Variants in SCAF11 observed in about 807,000 individuals in gnomAD.
SCAF11 encodes the protein protein SCAF11.
Under a neutral mutation model 140.5 loss-of-function variants are expected in SCAF11, and 47 were observed. The ratio of observed to expected loss-of-function variants is 0.33; its 90% CI spans 0.26 to 0.43. The LOEUF is 0.43. SCAF11 is among the 20% of genes least tolerant of loss of function. SCAF11 has a pLI of 1.00. For missense variants in SCAF11, 1,645 were observed against 1,705.1 expected, an observed-to-expected ratio of 0.96 and a Z score of 0.62; for synonymous variants, 557 against 579.4, an observed-to-expected ratio of 0.96 and a Z score of 0.55.
rs11183247 is a variant in SCAF11 at position 45,959,776 on chromosome 12, T to G, written c.219+1924A>C. Reference sequence around the variant, plus strand: ...TATAATAAGCAATTTATTAATAGATTGCTCTCTTGTTACTGCTCAACTGAA... The same window carrying G: ...TATAATAAGCAATTTATTAATAGATGGCTCTCTTGTTACTGCTCAACTGAA... On this transcript the variant is annotated intron_variant, in intron 3 of 14. Transcript: ENST00000369367. 4.1e-4 allele frequency among the ~76,000 whole-genome samples: 62 copies of G among 152,320 alleles called. No homozygotes were observed. The East Asian group carries it at 0.011, about 27-fold the overall frequency.
intron 1 of SCAF11, among the ~76,000 whole-genome samples, chr12:45,987,223 C>A (rs1486921284): frequency 6.6e-6 from 1 of 152,048 alleles, no homozygotes; most frequent in Non-Finnish European, 1.5e-5. Flanking sequence ...TGGGAGACAG[C>A]GAGATGCTAT....
intron 4 of SCAF11, 59 bp downstream of exon 4, chr12:45,951,591 A>G: frequency 8.7e-7 from 1 of 1,153,706 alleles, no homozygotes; most frequent in Non-Finnish European, 1.2e-6. Flanking sequence ...CTGGAAATCA[A>G]AGTCAAACAG....
chr12:45,961,762 C>T lies in SCAF11; in HGVS notation c.157G>A (p.Val53Ile), dbSNP rs373764342. The change falls in exon 3 of 15, where the codon GTT (valine) becomes ATT (isoleucine). Residue 53 changes from valine to isoleucine, a missense_variant. Transcript: ENST00000369367. ...TGATTACAGCTTTCTGGAAAACCAA[C>T]TTCCTTTTCTAATAGACAATTAAGA... ...ICLNCLLEKE[V>I]GFPESCNHVF... is the part of the protein sequence containing the mutation. 6.8e-6 allele frequency: 11 copies of T among 1,613,104 alleles called. No homozygotes were observed. The highest frequency in any genetic ancestry group is 8.5e-6 in the Non-Finnish European group (10 of 1,179,478).
intron 6 of SCAF11, among the ~76,000 whole-genome samples, chr12:45,942,529 T>A (rs750478095): frequency 6.6e-6 from 1 of 152,196 alleles, no homozygotes; most frequent in Admixed American, 6.5e-5. Flanking sequence ...TCTCCCCTTA[T>A]GTCTTACTCT....
At chr12:45,974,136 G>A in intron 1 of SCAF11, 1 of 469,544 alleles carries the variant, frequency 2.1e-6, no homozygotes, top group South Asian at 1.6e-5. Context: ...TGTAGTCCAT[G>A]AAGTGTGCAA....
intron 1 of SCAF11, among the ~76,000 whole-genome samples, chr12:45,968,611 T>C (rs1946002629): frequency 6.6e-6 from 1 of 151,980 alleles, no homozygotes; most frequent in African/African-American, 2.4e-5. Flanking sequence ...TACATGGAAA[T>C]GAGTGTCCTA....
At chr12:45,922,863 C>T (rs1944747317) in intron 13 of SCAF11, 73 bp downstream of exon 13, 1 of 1,373,848 alleles carries the variant, frequency 7.3e-7, no homozygotes, top group African/African-American at 1.4e-5. Flanking sequence ...ACCACTCATA[C>T]AATAAAAAGC....
At chr12:45,965,735 A>G (rs1025797330) in intron 1 of SCAF11, among the ~76,000 whole-genome samples, 1 of 152,176 alleles carries the variant, frequency 6.6e-6, no homozygotes, top group Non-Finnish European at 1.5e-5. Flanking sequence ...TGATTCTCCT[A>G]TATGTATCTG....
intron 1 of SCAF11, among the ~76,000 whole-genome samples, chr12:45,980,869 G>A (rs753861104): frequency 6.6e-6 from 1 of 152,124 alleles, no homozygotes; most frequent in Non-Finnish European, 1.5e-5. Flanking sequence ...TGTTTGGGAG[G>A]AGTGTTCCTC....
intron 3 of SCAF11, chr12:45,953,786 C>A (rs1012457748): frequency 2.0e-6 from 1 of 501,738 alleles, no homozygotes; most frequent in Non-Finnish European, 3.4e-6. Flanking sequence ...TCTCTCTGTG[C>A]CTCAGTAACC....
At chr12:45,988,665 C>A (rs1431025083) in intron 1 of SCAF11, among the ~76,000 whole-genome samples, 2 of 152,204 alleles carry the variant, frequency 1.3e-5, no homozygotes, top group Non-Finnish European at 2.9e-5. Flanking sequence ...AAATTTTCTT[C>A]TACAGTTTTC....
chr12:45,982,818 T>G (rs192184482), intron 1 of SCAF11, among the ~76,000 whole-genome samples: 71 of 152,350 alleles, frequency 4.7e-4, no homozygotes, highest in African/African-American at 1.7e-3. Context: ...TGTTTTGGTT[T>G]ACTTTAAGCT....
chr12:45,957,672 T>A (rs945013921), intron 3 of SCAF11, among the ~76,000 whole-genome samples: 14 of 152,148 alleles, frequency 9.2e-5, no homozygotes, highest in African/African-American at 3.1e-4. Flanking sequence ...ATCACATTTT[T>A]AAAAATAATA....
intron 1 of SCAF11, among the ~76,000 whole-genome samples, chr12:45,968,615 T>C (rs1032488225): frequency 2.0e-5 from 3 of 151,822 alleles, no homozygotes; most frequent in Non-Finnish European, 2.9e-5. Flanking sequence ...TGGAAATGAG[T>C]GTCCTAGGCC....
chr12:45,987,457 ACTGACAAATG>A (rs1161875663), intron 1 of SCAF11, among the ~76,000 whole-genome samples: 2 of 152,378 alleles, frequency 1.3e-5, no homozygotes, highest in Admixed American at 1.3e-4. Flanking sequence ...GGTGACAAAT[ACTGACAAATG>A]CTGATCTCAC....
At chr12:45,960,084 T>C (rs1336129032) in intron 3 of SCAF11, among the ~76,000 whole-genome samples, 1 of 152,174 alleles carries the variant, frequency 6.6e-6, no homozygotes, top group East Asian at 1.9e-4. Context: ...GTTAAAAATA[T>C]AGACAAGTTT....
intron 1 of SCAF11, among the ~76,000 whole-genome samples, chr12:45,981,064 G>A (rs1946338354): frequency 6.6e-6 from 1 of 152,128 alleles, no homozygotes; most frequent in Non-Finnish European, 1.5e-5. Context: ...GTTGGTTTTT[G>A]GAAGAGACAA....
chr12:45,937,113 C>T (rs566831890), intron 6 of SCAF11, among the ~76,000 whole-genome samples: 6 of 151,926 alleles, frequency 3.9e-5, no homozygotes, highest in East Asian at 1.9e-4. Context: ...TCTACTATTA[C>T]GGAAAAAATT....
Position 45,928,696 on chromosome 12 carries a change from AGACT to A in SCAF11, c.1001_1004del (p.Gln334LeufsTer22). 6.2e-7 allele frequency: 1 copy of A among 1,614,070 alleles called. No individual in the cohort carries two copies. The highest frequency in any genetic ancestry group is 8.5e-7 in the Non-Finnish European group (1 of 1,179,998). On this transcript the variant is annotated frameshift_variant, in exon 11 of 15. Transcript: ENST00000369367. LOFTEE classifies it high-confidence loss of function. Reference sequence around the variant, plus strand: ...AATTGTCTGATATTGGGGATCTCTGAGACTGACTGGCTGTTTCAGCTCTTGTGTT... The same window carrying A: ...AATTGTCTGATATTGGGGATCTCTGAGACTGGCTGTTTCAGCTCTTGTGTT...
Sources: allele counts gnomAD v4.1 joint callset (sites outside exome capture counted in the v4.1 genomes callset), GRCh38; gene constraint gnomAD v4.1.1; transcripts MANE v1.5; gene names NCBI Gene and HGNC (gene_info 2026-07-23, HGNC 2026-07-21).